Variants in CEP128 observed in about 807,000 individuals in gnomAD.
The protein encoded by CEP128 is centrosomal protein 128.
A neutral mutation model predicts 156.7 loss-of-function variants in CEP128; 132 were observed. That is an observed-to-expected ratio of 0.84 (90% CI 0.73 to 0.97). The LOEUF is 0.97. CEP128 is among the 50% of genes least tolerant of loss of function. The pLI is 0.00. For synonymous variants in CEP128, 469 were observed against 448.9 expected, an observed-to-expected ratio of 1.04 and a Z score of -0.57; for missense variants, 1,252 against 1,281.9, an observed-to-expected ratio of 0.98 and a Z score of 0.36.
chr14:80,756,930 T>C lies in CEP128; in HGVS notation c.2575A>G (p.Ile859Val), dbSNP rs376109020. 6.2e-7 allele frequency: 1 copy of C among 1,600,672 alleles called. No individual in the cohort carries two copies. Among genetic ancestry groups the C allele is most frequent in the Admixed American group, 1.7e-5 (1 of 59,286 alleles). The change falls in exon 18 of 25, where the codon ATA (isoleucine) becomes GTA (valine). Residue 859 changes from isoleucine to valine, a missense_variant. Coordinates refer to ENST00000555265, the MANE Select transcript of CEP128 (RefSeq NM_152446.5). ...KLKVFSSGPDIHYDPHRWLAE... is the reference protein window; with the variant it reads ...KLKVFSSGPDVHYDPHRWLAE... Reference sequence around the variant, plus strand: ...AACCAGCGATGTGGGTCATAATGTATATCAGGACCAGATGAAAAAACCTAC... The same window carrying C: ...AACCAGCGATGTGGGTCATAATGTACATCAGGACCAGATGAAAAAACCTAC...
At chr14:80,742,640 C>G (rs1016291681) in intron 19 of CEP128, 1 of 160,352 alleles carries the variant, frequency 6.2e-6, no homozygotes, top group African/African-American at 2.4e-5. Flanking sequence ...TATATCTCCA[C>G]CCAATAAAAC....
chr14:80,685,998 T>C (rs972429123), intron 19 of CEP128, among the ~76,000 whole-genome samples: 4 of 152,066 alleles, frequency 2.6e-5, no homozygotes, highest in African/African-American at 7.2e-5. Context: ...CCTTAAACTA[T>C]GAGAATCCTA....
At chr14:80,586,059 A>G (rs1192357727) in intron 19 of CEP128, among the ~76,000 whole-genome samples, 1 of 151,996 alleles carries the variant, frequency 6.6e-6, no homozygotes, top group African/African-American at 2.4e-5. Context: ...TATTGGAATC[A>G]TTGACATTTT....
intron 18 of CEP128, among the ~76,000 whole-genome samples, chr14:80,754,903 G>A (rs112221232): frequency 3.3e-5 from 5 of 152,212 alleles, no homozygotes; most frequent in East Asian, 1.9e-4. Context: ...CCTCATCTAC[G>A]GAAACTGCTT....
chr14:80,867,659 A>G (rs1323327718), intron 8 of CEP128, among the ~76,000 whole-genome samples: 1 of 151,742 alleles, frequency 6.6e-6, no homozygotes, highest in Non-Finnish European at 1.5e-5. Context: ...TTGCCCACTC[A>G]GAGAAACAAA....
In CEP128 at chr14:80,596,819, C is replaced by CAAAAAAAAAAAAAA. The variant is rs57402112; in HGVS notation, c.2807-16410_2807-16397dup. On this transcript the variant is annotated intron_variant, in intron 19 of 24. Transcript: ENST00000555265. ...TCTGAGTAACAGTGAGACACTGTCACAAAAAAAAAAAAAAAAAAAAAAAGG... is the reference window on the plus strand; with the variant it reads ...TCTGAGTAACAGTGAGACACTGTCACAAAAAAAAAAAAAAAAAAAAAAAAAAAAAAAAAAAAAGG... Among the ~76,000 whole-genome samples the CAAAAAAAAAAAAAA allele has an allele frequency of 4.3e-4, 6 of 14,050 alleles. 2 individuals are homozygous for CAAAAAAAAAAAAAA. Among genetic ancestry groups the CAAAAAAAAAAAAAA allele is most frequent in the Middle Eastern group, 0.071 (1 of 14 alleles). The allele number at this position is 14,050 out of a possible 152,430, so 9.2% of individuals were successfully genotyped here.
intron 9 of CEP128, among the ~76,000 whole-genome samples, chr14:80,846,146 T>C (rs1886590352): frequency 6.6e-6 from 1 of 152,180 alleles, no homozygotes; most frequent in Non-Finnish European, 1.5e-5. Context: ...AACATATAAG[T>C]ACACATAGCA....
chr14:80,523,658 T>G (rs1340317097), intron 23 of CEP128, among the ~76,000 whole-genome samples: 2 of 152,224 alleles, frequency 1.3e-5, no homozygotes, highest in African/African-American at 4.8e-5. Context: ...TTCACTGATG[T>G]GAGTCCCATG....
At chr14:80,955,343 G>A (rs1886599279) in intron 2 of CEP128, 2 of 442,970 alleles carry the variant, frequency 4.5e-6, no homozygotes, top group Non-Finnish European at 8.2e-6. Context: ...TGGGAGGGGC[G>A]CCCGGGGTGG....
intron 23 of CEP128, among the ~76,000 whole-genome samples, chr14:80,506,861 T>C (rs1408731173): frequency 1.3e-5 from 2 of 152,090 alleles, no homozygotes; most frequent in African/African-American, 4.8e-5. Flanking sequence ...AGTTAGGGTA[T>C]TTTCCCATGC....
chr14:80,763,322 AACTCTCCCT>A (rs1164010325), intron 16 of CEP128, among the ~76,000 whole-genome samples: 2 of 152,142 alleles, frequency 1.3e-5, no homozygotes, highest in African/African-American at 4.8e-5. Context: ...TTTCTGTCCA[AACTCTCCCT>A]ACCAATTAAT....
chr14:80,717,891 T>C (rs938035654), intron 19 of CEP128, among the ~76,000 whole-genome samples: 2 of 152,210 alleles, frequency 1.3e-5, no homozygotes, highest in African/African-American at 4.8e-5. Context: ...CATGGCTCAC[T>C]GCAGCCTCGA....
At chr14:80,610,886 G>A (rs892183723) in intron 19 of CEP128, among the ~76,000 whole-genome samples, 1 of 152,096 alleles carries the variant, frequency 6.6e-6, no homozygotes, top group African/African-American at 2.4e-5. Flanking sequence ...CATTAATATA[G>A]AGAAATCTCC....
chr14:80,797,206 C>T (rs1291259326), intron 13 of CEP128, among the ~76,000 whole-genome samples: 1 of 152,154 alleles, frequency 6.6e-6, no homozygotes, highest in African/African-American at 2.4e-5. Context: ...CAACAGGGAG[C>T]ACAGGATTAA....
intron 24 of CEP128, among the ~76,000 whole-genome samples, chr14:80,502,557 T>C (rs1024758341): frequency 2.0e-5 from 3 of 152,206 alleles, no homozygotes; most frequent in African/African-American, 4.8e-5. Flanking sequence ...TTTCACATTG[T>C]TTTCCACCTT....
At position 80,761,500 on chromosome 14, in the gene CEP128, C is replaced by A; in HGVS notation, c.2490G>T (p.Val830=). 6.2e-7 allele frequency: 1 copy of A among 1,612,278 alleles called. No individual in the cohort carries two copies. Among genetic ancestry groups the A allele is most frequent in the South Asian group, 1.1e-5 (1 of 90,822 alleles). Residue 830 remains valine (V), a synonymous_variant, in exon 17 of 25, where the codon GTG becomes GTT. Transcript: ENST00000555265. ...LETEQESILG[V]IGKEIDAACK... is the part of the protein sequence containing the mutation. ...AAGCTGCATCAATTTCCTTTCCTATCACACCAAGAATGGATTCCTGTTCAG... is the reference window on the plus strand; with the variant it reads ...AAGCTGCATCAATTTCCTTTCCTATAACACCAAGAATGGATTCCTGTTCAG...
Position 80,784,964 on chromosome 14 carries a change from A to G in CEP128, c.2142T>C (p.Asn714=). Residue 714 remains asparagine (N), a synonymous_variant, in exon 15 of 25, where the codon AAT becomes AAC. Transcript: ENST00000555265. ...TAAAGTGCTTCATAAGCTCCTGGAT[A>G]TTCTGTTCGTGTTTTGTTTTCACAC... The part of the protein sequence containing the change: ...LQSVKTKHEQ[N]IQELMKHFKK... 1 of 1,614,098 alleles carries G rather than the reference A, an allele frequency of 6.2e-7. No individual in the cohort carries two copies. Among genetic ancestry groups the G allele is most frequent in the Non-Finnish European group, 8.5e-7 (1 of 1,179,970 alleles).
At chr14:80,594,050 C>G (rs951230806) in intron 19 of CEP128, among the ~76,000 whole-genome samples, 1 of 152,186 alleles carries the variant, frequency 6.6e-6, no homozygotes, top group Admixed American at 6.5e-5. Context: ...TGGGAGGCAT[C>G]ACGCTACCTG....
At chr14:80,858,930 C>G (rs1011910889) in intron 9 of CEP128, among the ~76,000 whole-genome samples, 2 of 152,052 alleles carry the variant, frequency 1.3e-5, no homozygotes, top group African/African-American at 2.4e-5. Context: ...GAAATAGGAA[C>G]ACTTTTACAC....
Sources: gnomAD v4.1 joint callset for allele counts (sites outside exome capture counted in the v4.1 genomes callset) on GRCh38, gnomAD v4.1.1 for gene constraint, MANE v1.5 for transcripts, NCBI Gene and HGNC (gene_info 2026-07-23, HGNC 2026-07-21) for gene names.